Variants in SELP observed in about 807,000 individuals in gnomAD.
The protein encoded by SELP is P-selectin.
Under a neutral mutation model 104.1 loss-of-function variants are expected in SELP, and 92 were observed. The observed-to-expected ratio is 0.88, with a 90% CI of 0.75 to 1.05. The LOEUF (loss-of-function observed/expected upper bound fraction) is 1.05, where lower values mean the gene tolerates loss of function less well. Among genes scored for constraint, SELP ranks in the 50% least tolerant of loss-of-function variants. SELP has a pLI of 0.00. For missense variants in SELP, 1,022 were observed against 1,017.3 expected (o/e 1.00, Z -0.06); for synonymous variants, 397 against 364.5 (o/e 1.09, Z -1.01).
At chr1:169,596,208 G>T in intron 11 of SELP, 74 bp from the exon 12 acceptor site, 1 of 1,341,570 alleles carries the variant, frequency 7.5e-7, no homozygotes, top group Non-Finnish European at 1.1e-6. Flanking sequence ...GGCTAATCTG[G>T]AATAACTGCT....
rs386467453 is a variant in SELP, at chr1:169,616,233, A to G, written c.481+795T>C. 3.9e-5 allele frequency among the ~76,000 whole-genome samples: 6 copies of G among 152,242 alleles called. No individual in the cohort carries two copies. The South Asian group carries it at 1.2e-3, about 32-fold the overall frequency. On this transcript the variant is annotated intron_variant, in intron 3 of 16. Transcript: ENST00000263686. ...TCCCACCAAAGTTCAATGGATCTAA[A>G]GATATGTTGTTGTTGAAGAGAAACT...
intron 2 of SELP, among the ~76,000 whole-genome samples, chr1:169,618,553 C>G (rs1393800516): frequency 6.6e-6 from 1 of 152,160 alleles, no homozygotes; most frequent in Admixed American, 6.5e-5. Flanking sequence ...GGTTTCTTTC[C>G]TGTTTATTTA....
chr1:169,601,577 C>T (rs774683608), intron 10 of SELP, among the ~76,000 whole-genome samples: 10 of 152,208 alleles, frequency 6.6e-5, no homozygotes, highest in Admixed American at 3.3e-4. Context: ...GTTCATTTAG[C>T]AGTTATAGCT....
chr1:169,607,304 A>G lies in SELP; in HGVS notation c.1334-170T>C, dbSNP rs113341874. Among the ~76,000 whole-genome samples, 81 of 152,310 alleles carry G rather than the reference A, an allele frequency of 5.3e-4. 1 individual carries two copies. Among genetic ancestry groups the G allele is most frequent in the Middle Eastern group, 6.8e-3 (2 of 294 alleles). On this transcript the variant is annotated intron_variant, in intron 8 of 16. Coordinates refer to ENST00000263686, the MANE Select transcript of SELP (RefSeq NM_003005.4). ...ATTATAACGGCACATGAAGGATTTTATTAGGAAATGCTAAACCTTTGTTGA... is the reference window on the plus strand; with the variant it reads ...ATTATAACGGCACATGAAGGATTTTGTTAGGAAATGCTAAACCTTTGTTGA...
intron 14 of SELP, among the ~76,000 whole-genome samples, chr1:169,591,849 C>T (rs902297812): frequency 6.6e-6 from 1 of 152,180 alleles, no homozygotes; most frequent in Non-Finnish European, 1.5e-5. Context: ...AACAGACTCT[C>T]ATAGTTGAAT....
chr1:169,619,977 C>A (rs3917695), intron 1 of SELP, among the ~76,000 whole-genome samples: 4,213 of 151,712 alleles, frequency 0.028, 131 homozygotes, highest in African/African-American at 0.077. Context: ...CTGAGGTGGG[C>A]GGATCATGAG....
At chr1:169,613,731 A>G in intron 3 of SELP, 38 bp from the exon 4 acceptor site, 2 of 1,558,134 alleles carry the variant, frequency 1.3e-6, no homozygotes, top group African/African-American at 1.4e-5. Context: ...ATGGACATTC[A>G]CAGATGTGAG....
At chr1:169,606,244 G>A (rs1347981260) in intron 9 of SELP, among the ~76,000 whole-genome samples, 1 of 152,202 alleles carries the variant, frequency 6.6e-6, no homozygotes, top group South Asian at 2.1e-4. Context: ...TTGAACCCGG[G>A]AGGCGGAGGT....
chr1:169,621,616 C>T (rs550307895), intron 1 of SELP, among the ~76,000 whole-genome samples: 2 of 152,244 alleles, frequency 1.3e-5, no homozygotes, highest in African/African-American at 2.4e-5. Flanking sequence ...AGGGAGAACT[C>T]AACTCAAACC....
rs564726926 is a variant in SELP at position 169,613,622 on chromosome 1, A to G, written c.553T>C (p.Cys185Arg). Residue 185 changes from cysteine to arginine, a missense_variant, in exon 4 of 17, where the codon TGT becomes CGT. By Grantham distance (180) the Cys-to-Arg change is radical (BLOSUM62 -3). Transcript: ENST00000263686. ...TCTGGCCCATAGAATCCAGGGTAAC[A>G]GGAGCAGGTGTAGTTCCCGATGGTC... ...LETIGNYTCS[C>R]YPGFYGPECE... 1.2e-6 allele frequency: 2 copies of G among 1,614,056 alleles called. No homozygotes were observed. Among genetic ancestry groups the G allele is most frequent in the Non-Finnish European group, 8.5e-7 (1 of 1,179,902 alleles).
Position 169,595,960 on chromosome 1 carries a change from G to T in SELP, c.2066C>A (p.Ser689Ter). 6.2e-7 allele frequency: 1 copy of T among 1,613,826 alleles called. No individual in the cohort carries two copies. Among genetic ancestry groups the T allele is most frequent in the Non-Finnish European group, 8.5e-7 (1 of 1,179,796 alleles). ...TGGAGTTACTGCTGTCCATTGTCCT[G>T]AAGGTCTGCAGCTGAGAGTGCTGTC... ...IGDSTLSCRP[S>*]GQWTAVTPAC... Residue 689 changes from serine (S) to a stop codon, truncating the protein, a stop_gained, in exon 12 of 17, where the codon TCA becomes TAA. Coordinates refer to ENST00000263686, the MANE Select transcript of SELP (RefSeq NM_003005.4). LOFTEE classifies it high-confidence loss of function.
intron 10 of SELP, among the ~76,000 whole-genome samples, chr1:169,602,280 G>A (rs191168969): frequency 4.1e-4 from 62 of 152,316 alleles, no homozygotes; most frequent in African/African-American, 1.4e-3. Context: ...GTGGAGAGAG[G>A]AGGGAAGTGC....
intron 3 of SELP, among the ~76,000 whole-genome samples, chr1:169,616,490 A>G (rs1306923109): frequency 6.6e-6 from 1 of 152,226 alleles, no homozygotes; most frequent in Admixed American, 6.5e-5. Flanking sequence ...TGGAGTTGTC[A>G]TGAGGACTAA....
chr1:169,594,634 C>A, intron 13 of SELP, 58 bp downstream of exon 13: 2 of 1,536,436 alleles, frequency 1.3e-6, no homozygotes, highest in Non-Finnish European at 1.8e-6. Context: ...AGGGAAGAAA[C>A]ACTGATTTTG....
chr1:169,617,569 A>C (rs1488080906), intron 2 of SELP, among the ~76,000 whole-genome samples, 155 bp from the exon 3 acceptor site: 2 of 152,198 alleles, frequency 1.3e-5, no homozygotes, highest in African/African-American at 4.8e-5. Flanking sequence ...TGTTTGAAGG[A>C]AAAAGAGTGG....
At chr1:169,612,782 G>T (rs548372801) in intron 5 of SELP, 147 bp downstream of exon 5, 17 of 624,206 alleles carry the variant, frequency 2.7e-5, no homozygotes, top group East Asian at 1.9e-4. Context: ...TGTTACTCTG[G>T]TTGACAGTTA....
At chr1:169,598,348 T>A (rs1260446808) in intron 10 of SELP, among the ~76,000 whole-genome samples, 1 of 152,206 alleles carries the variant, frequency 6.6e-6, no homozygotes, top group Non-Finnish European at 1.5e-5. Context: ...ACTTAGATAG[T>A]TTGATTTTTA....
intron 1 of SELP, 120 bp from the exon 2 acceptor site, chr1:169,619,339 G>A (rs1016281312): frequency 5.6e-6 from 4 of 719,534 alleles, no homozygotes; most frequent in Non-Finnish European, 9.3e-6. Flanking sequence ...CTGGAAGAGT[G>A]GTTCAAGCCC....
rs374409882 is a variant in SELP, at chr1:169,612,451, C to G, written c.776-49G>C. 23 of 1,589,424 alleles carry G rather than the reference C, an allele frequency of 1.4e-5. 1 individual carries two copies. The African/African-American group carries it at 3.1e-4, about 21-fold the overall frequency. On this transcript the variant is annotated intron_variant, in intron 5 of 16. Transcript: ENST00000263686. ...GTGTGAGTCCTTGGACAAATTTTGT[C>G]CATCACCTTGGAAGCCTTCAAATTC... is the stretch of plus-strand genomic sequence containing the variant.
Sources: allele counts gnomAD v4.1 joint callset (sites outside exome capture counted in the v4.1 genomes callset), GRCh38; gene constraint gnomAD v4.1.1; transcripts MANE v1.5; gene names NCBI Gene and HGNC (gene_info 2026-07-23, HGNC 2026-07-21).